Variants in TMEM138 observed in about 807,000 individuals in gnomAD.
TMEM138 encodes transmembrane protein 138.
A neutral mutation model predicts 18.1 loss-of-function variants in TMEM138; 9 were observed. The ratio of observed to expected loss-of-function variants is 0.50; its 90% CI spans 0.30 to 0.87. The LOEUF (loss-of-function observed/expected upper bound fraction) is 0.87. TMEM138 is among the 40% of genes least tolerant of loss of function. The pLI, the probability that TMEM138 is intolerant of heterozygous loss-of-function variation, is 0.06. For synonymous variants in TMEM138, 79 were observed against 74.8 expected, an observed-to-expected ratio of 1.06 and a Z score of -0.29; for missense variants, 189 against 190.6, an observed-to-expected ratio of 0.99 and a Z score of 0.05.
intron 3 of TMEM138, 152 bp from the exon 4 acceptor site, chr11:61,367,771 G>A: frequency 1.5e-6 from 1 of 655,540 alleles, no homozygotes; most frequent in Non-Finnish European, 2.8e-6. Context: ...ATGGAGCTTT[G>A]AGGCTCCTTC....
chr11:61,375,572 C>G (rs1210263376), downstream of TMEM138, among the ~76,000 whole-genome samples: 1 of 152,188 alleles, frequency 6.6e-6, no homozygotes, highest in Non-Finnish European at 1.5e-5. Context: ...ATCCACCCAC[C>G]TCAGCCTCCC....
At chr11:61,373,878 T>A (rs1178164124), downstream of TMEM138, among the ~76,000 whole-genome samples, 1 of 152,076 alleles carries the variant, frequency 6.6e-6, no homozygotes, top group African/African-American at 2.4e-5. Flanking sequence ...CTCACTCTTG[T>A]CGTCCAGGCT....
chr11:61,362,609 A>C (rs1857960831), intron 1 of TMEM138, 189 bp downstream of exon 1: 1 of 152,214 alleles, frequency 6.6e-6, no homozygotes, highest in Non-Finnish European at 1.5e-5. Context: ...GGACGAATTA[A>C]AGAGCTTCAT....
chr11:61,368,026 T>C lies in TMEM138; in HGVS notation c.376+28T>C, dbSNP rs761602485. The C allele has an allele frequency of 2.7e-6, 4 of 1,469,306 alleles. No individual in the cohort carries two copies. In the South Asian group the frequency reaches 4.5e-5, roughly 17 times the overall value. The allele number at this position is 1,469,306 out of a possible 1,614,324, so 91.0% of individuals were successfully genotyped here. The stretch of plus-strand genomic sequence containing the variant: ...AAGGACCAGAGCAAGGTCAGGCCTC[T>C]CTCAGGTCCCACATGTGTCTCTTTC... On this transcript the variant is annotated intron_variant, in intron 4 of 4. Coordinates refer to ENST00000278826, the MANE Select transcript of TMEM138 (RefSeq NM_016464.5).
At chr11:61,375,243 T>G (rs912305414), downstream of TMEM138, among the ~76,000 whole-genome samples, 3 of 151,856 alleles carry the variant, frequency 2.0e-5, no homozygotes, top group African/African-American at 7.2e-5. Context: ...TTGAGTATAC[T>G]CCTATGAACA....
At chr11:61,365,948 A>C in intron 2 of TMEM138, 97 bp from the exon 3 acceptor site, 1 of 1,443,590 alleles carries the variant, frequency 6.9e-7, no homozygotes, top group Non-Finnish European at 9.2e-7. Context: ...CTATCTCACA[A>C]CAAAGGACAG....
downstream of TMEM138, among the ~76,000 whole-genome samples, chr11:61,374,172 G>A (rs1382875893): frequency 6.1e-5 from 7 of 115,362 alleles, no homozygotes; most frequent in East Asian, 1.6e-3. Context: ...TTTTGAGACA[G>A]AGTTTCGCTC....
downstream of TMEM138, among the ~76,000 whole-genome samples, chr11:61,373,880 G>A (rs543205288): frequency 1.2e-3 from 176 of 150,844 alleles, 2 homozygotes; most frequent in Non-Finnish European, 7.1e-4. Context: ...CACTCTTGTC[G>A]TCCAGGCTGG....
chr11:61,376,569 G>C (rs1858438518), downstream of TMEM138, among the ~76,000 whole-genome samples: 1 of 151,838 alleles, frequency 6.6e-6, no homozygotes, highest in South Asian at 2.1e-4. Flanking sequence ...TGAAAACTAA[G>C]CTGTGCTTTC....
intron 3 of TMEM138, 149 bp downstream of exon 3, chr11:61,366,365 C>A: frequency 1.1e-6 from 1 of 887,632 alleles, no homozygotes; most frequent in Non-Finnish European, 1.6e-6. Context: ...CCTGCTTCTG[C>A]CTCCCAAAGT....
chr11:61,375,968 G>A (rs747310285), downstream of TMEM138, among the ~76,000 whole-genome samples: 7 of 152,174 alleles, frequency 4.6e-5, no homozygotes, highest in Non-Finnish European at 7.3e-5. Flanking sequence ...ACAAATCCAC[G>A]GCTGGGCTCG....
Position 61,364,480 on chromosome 11 carries a change from G to C in TMEM138, c.90G>C (p.Leu30=). The C allele has an allele frequency of 6.2e-7, 1 of 1,614,198 alleles. No homozygotes were observed. ...TCTTTGTCAATTCCTTCTCAGAACT[G>C]CTCCAAAAGACTCCTGTCATCCAGC... is the stretch of plus-strand genomic sequence containing the variant. ...YDLFVNSFSE[L]LQKTPVIQLV... Residue 30 remains leucine (L), a synonymous_variant, in exon 2 of 5, where the codon CTG becomes CTC. Coordinates refer to ENST00000278826, the MANE Select transcript of TMEM138 (RefSeq NM_016464.5).
chr11:61,368,262 T>A (rs1383052535), intron 4 of TMEM138: 3 of 579,734 alleles, frequency 5.2e-6, no homozygotes, highest in African/African-American at 3.7e-5. Flanking sequence ...TCTTGCTCTG[T>A]CGCCCAGGCT....
chr11:61,369,215 G>C lies in TMEM138; in HGVS notation c.*506G>C, dbSNP rs1858270904. Reference sequence around the variant, plus strand: ...AATTGAATTCTTGTTCCATAAATGGGGGAGTCTGTCTGTCTAGCTAGATCT... The same window carrying C: ...AATTGAATTCTTGTTCCATAAATGGCGGAGTCTGTCTGTCTAGCTAGATCT... On this transcript the variant is annotated 3_prime_UTR_variant, in exon 5 of 5. Coordinates refer to ENST00000278826, the MANE Select transcript of TMEM138 (RefSeq NM_016464.5). 1 of 156,048 alleles carries C rather than the reference G, an allele frequency of 6.4e-6. No individual in the cohort carries two copies. Among genetic ancestry groups the C allele is most frequent in the African/African-American group, 2.4e-5 (1 of 41,478 alleles). 9.7% of individuals were successfully genotyped at this position (156,048 alleles called of 1,614,324 possible). A position where few individuals can be genotyped will look rare whatever the true frequency, so the allele number is the denominator to read the frequency against.
At chr11:61,367,772 A>G (rs761820272) in intron 3 of TMEM138, 151 bp from the exon 4 acceptor site, 265 of 656,960 alleles carry the variant, frequency 4.0e-4, no homozygotes, top group South Asian at 9.1e-4. Context: ...TGGAGCTTTG[A>G]GGCTCCTTCG....
intron 4 of TMEM138, 128 bp from the exon 5 acceptor site, chr11:61,368,469 G>C: frequency 1.6e-6 from 1 of 624,340 alleles, no homozygotes; most frequent in Non-Finnish European, 2.9e-6. Context: ...CTCATGATCC[G>C]CCTGCCTCTG....
At position 61,368,789 on chromosome 11, in the gene TMEM138, C is replaced by A; in HGVS notation, c.*80C>A. The A allele has an allele frequency of 9.6e-7, 1 of 1,043,514 alleles. No homozygotes were observed. The highest frequency in any genetic ancestry group is 1.5e-6 in the Non-Finnish European group (1 of 677,042). The allele number at this position is 1,043,514 out of a possible 1,614,324, so 64.6% of individuals were successfully genotyped here. A position where few individuals can be genotyped will look rare whatever the true frequency, so the allele number is the denominator to read the frequency against. On this transcript the variant is annotated 3_prime_UTR_variant, in exon 5 of 5. Coordinates refer to ENST00000278826, the MANE Select transcript of TMEM138 (RefSeq NM_016464.5). ...CTTTGCAGGGAGAGTTGGCCCTATGCATGGGCAAACAGCTGGACTTTCCAA... is the reference window on the plus strand; with the variant it reads ...CTTTGCAGGGAGAGTTGGCCCTATGAATGGGCAAACAGCTGGACTTTCCAA...
intron 3 of TMEM138, chr11:61,366,471 CTT>C (rs879154161): frequency 0.014 from 3,623 of 257,466 alleles, no homozygotes; most frequent in South Asian, 0.026. Context: ...CTTTTCTTTT[CTT>C]TTTTTTTTTT....
At chr11:61,373,225 G>T (rs1012483235), downstream of TMEM138, among the ~76,000 whole-genome samples, 6 of 152,174 alleles carry the variant, frequency 3.9e-5, no homozygotes, top group Non-Finnish European at 8.8e-5. Context: ...TATCAAGAAA[G>T]AGGCGGACAG....
Sources: allele counts gnomAD v4.1 joint callset (sites outside exome capture counted in the v4.1 genomes callset), GRCh38; gene constraint gnomAD v4.1.1; transcripts MANE v1.5; gene names NCBI Gene and HGNC (gene_info 2026-07-23, HGNC 2026-07-21).